Variants in GRIA1 observed in about 807,000 individuals in gnomAD.
GRIA1 encodes the protein glutamate ionotropic receptor AMPA type subunit 1, also known as glutamate receptor 1.
A neutral mutation model predicts 99.2 loss-of-function variants in GRIA1; 31 were observed. That is an observed-to-expected ratio of 0.31 (90% CI 0.23 to 0.42). The LOEUF is 0.42. Among genes scored for constraint, GRIA1 ranks in the 10% least tolerant of loss-of-function variants. The pLI is 1.00. For missense variants in GRIA1, 782 were observed against 1,157.5 expected (o/e 0.68, Z 4.71); for synonymous variants, 438 against 432.4 (o/e 1.01, Z -0.16).
intron 13 of GRIA1, among the ~76,000 whole-genome samples, chr5:153,789,040 A>AT (rs1158926040): frequency 1.3e-5 from 2 of 152,076 alleles, no homozygotes; most frequent in African/African-American, 4.8e-5. Flanking sequence ...CCATAGTATA[A>AT]TTTTCTCTAA....
intron 2 of GRIA1, among the ~76,000 whole-genome samples, chr5:153,551,356 G>T (rs76570790): frequency 1.3e-4 from 6 of 46,948 alleles, no homozygotes; most frequent in East Asian, 5.2e-4. Context: ...AGTTTTTTTT[G>T]TTTGTTTGTT....
upstream of GRIA1, chr5:153,490,480 G>C: frequency 4.2e-6 from 1 of 237,668 alleles, no homozygotes; most frequent in Non-Finnish European, 8.3e-6. Context: ...GAACAGGTAG[G>C]GAGGTCGGCT....
chr5:153,769,526 TA>T (rs1763738129), intron 12 of GRIA1, among the ~76,000 whole-genome samples: 1 of 152,020 alleles, frequency 6.6e-6, no homozygotes, highest in Non-Finnish European at 1.5e-5. Context: ...AAGGTGAGTT[TA>T]GGGGGAAATA....
chr5:153,706,119 T>TGTTTGTTA (rs764987408), intron 11 of GRIA1, 52 bp downstream of exon 11: 1 of 1,469,818 alleles, frequency 6.8e-7, no homozygotes. Flanking sequence ...TTTGTTTGTT[T>TGTTTGTTA]GTTTGTTTGT....
At chr5:153,766,932 TTC>T (rs1273910413) in intron 12 of GRIA1, among the ~76,000 whole-genome samples, 1 of 152,210 alleles carries the variant, frequency 6.6e-6, no homozygotes, top group Non-Finnish European at 1.5e-5. Flanking sequence ...ATTCTACAAG[TTC>T]TGTGCCCAGG....
chr5:153,538,782 G>A (rs931095713), intron 2 of GRIA1, among the ~76,000 whole-genome samples: 6 of 152,142 alleles, frequency 3.9e-5, no homozygotes, highest in Non-Finnish European at 8.8e-5. Context: ...TAGAGGCCAT[G>A]TTCAGTTTCC....
intron 2 of GRIA1, among the ~76,000 whole-genome samples, chr5:153,617,415 T>C (rs1015774424): frequency 6.6e-6 from 1 of 152,234 alleles, no homozygotes; most frequent in African/African-American, 2.4e-5. Context: ...GCTGCTGGCT[T>C]TTAATTCTTT....
intron 13 of GRIA1, among the ~76,000 whole-genome samples, chr5:153,778,190 AGAGTGTGTGTGTGTGTGTGT>A (rs1382981995): frequency 7.1e-6 from 1 of 141,640 alleles, no homozygotes; most frequent in Admixed American, 6.9e-5. Flanking sequence ...AGAGAGAGAG[AGAGTGTGTGTGTGTGTGTGT>A]GTGTGTGTGT....
At chr5:153,514,018 C>T (rs1756363280) in intron 2 of GRIA1, among the ~76,000 whole-genome samples, 1 of 152,206 alleles carries the variant, frequency 6.6e-6, no homozygotes, top group African/African-American at 2.4e-5. Flanking sequence ...CTGCAACACA[C>T]CTCTAAGCCT....
At chr5:153,734,084 C>G (rs1490950718) in intron 11 of GRIA1, among the ~76,000 whole-genome samples, 1 of 152,184 alleles carries the variant, frequency 6.6e-6, no homozygotes, top group African/African-American at 2.4e-5. Context: ...ACAAAACTTT[C>G]TCTAGGATAT....
Position 153,799,085 on chromosome 5 carries a change from C to T in GRIA1, c.2386-3271C>T, listed in dbSNP as rs1022877830. ...GAGGTGAATTGTGACTTTTCCACCC[C>T]CCCCTGACAAGCTGCCTAGCTTTTC... On this transcript the variant is annotated intron_variant, in intron 14 of 15. Transcript: ENST00000285900. Among the ~76,000 whole-genome samples the T allele has an allele frequency of 2.6e-5, 4 of 152,234 alleles. No individual in the cohort carries two copies. The East Asian group carries it at 7.7e-4, about 29-fold the overall frequency.
chr5:153,574,389 T>C (rs1049521129), intron 2 of GRIA1: 1 of 152,122 alleles, frequency 6.6e-6, no homozygotes, highest in African/African-American at 2.4e-5. Flanking sequence ...CCTGGAGATA[T>C]AGGTAAGGGT....
At chr5:153,595,400 T>C (rs952540162) in intron 2 of GRIA1, among the ~76,000 whole-genome samples, 1 of 152,304 alleles carries the variant, frequency 6.6e-6, no homozygotes, top group East Asian at 1.9e-4. Flanking sequence ...CTAATACTAA[T>C]ACATTATTAT....
rs146647609 is a variant in GRIA1 at position 153,690,447 on chromosome 5, G to A, written c.1134+4118G>A. On this transcript the variant is annotated intron_variant, in intron 8 of 15. Coordinates refer to ENST00000285900, the MANE Select transcript of GRIA1 (RefSeq NM_000827.4). ...AAGTCATTACATCATCTCTAAAAGG[G>A]TGGTAATACTCTTTGCCTCCCAGGA... Among the ~76,000 whole-genome samples the A allele has an allele frequency of 5.5e-4, 84 of 152,194 alleles. 1 individual carries two copies. In the Middle Eastern group the frequency reaches 0.02, roughly 37 times the overall value.
intron 13 of GRIA1, among the ~76,000 whole-genome samples, chr5:153,789,548 C>G (rs1765171432): frequency 6.6e-6 from 1 of 152,118 alleles, no homozygotes; most frequent in South Asian, 2.1e-4. Flanking sequence ...AACTGACTTC[C>G]ACTTTTAGGA....
chr5:153,706,177 C>G (rs754830493), intron 11 of GRIA1, 110 bp downstream of exon 11: 1 of 1,063,756 alleles, frequency 9.4e-7, no homozygotes, highest in Non-Finnish European at 1.4e-6. Flanking sequence ...TTTCAGACCA[C>G]TGTATTCAGT....
chr5:153,625,264 C>G (rs1767484375), intron 2 of GRIA1, among the ~76,000 whole-genome samples: 1 of 152,180 alleles, frequency 6.6e-6, no homozygotes, highest in Admixed American at 6.5e-5. Context: ...GATTTCTACT[C>G]CTACTTCTGC....
chr5:153,808,901 C>T (rs1256463395), intron 15 of GRIA1, among the ~76,000 whole-genome samples: 17 of 152,238 alleles, frequency 1.1e-4, no homozygotes. Context: ...TTTTTAGTTA[C>T]ATGCCTGGCT....
intron 5 of GRIA1, among the ~76,000 whole-genome samples, chr5:153,673,922 C>T (rs937552782): frequency 4.0e-4 from 61 of 152,172 alleles, no homozygotes; most frequent in African/African-American, 1.4e-3. Context: ...GAAAAGAGCA[C>T]AGGGTGAGGA....
Sources: allele counts gnomAD v4.1 joint callset (sites outside exome capture counted in the v4.1 genomes callset), GRCh38; gene constraint gnomAD v4.1.1; transcripts MANE v1.5; gene names NCBI Gene and HGNC (gene_info 2026-07-23, HGNC 2026-07-21).